The following METTL15 variants were observed in gnomAD, a reference collection of about 807,000 sequenced individuals.
METTL15 encodes methyltransferase 15, mitochondrial 12S rRNA N4-cytidine.
In METTL15, 34 loss-of-function variants were observed where a neutral mutation model predicts 38.3. The ratio of observed to expected loss-of-function variants is 0.89; its 90% CI spans 0.68 to 1.18. The LOEUF (loss-of-function observed/expected upper bound fraction) is 1.18, where lower values mean the gene tolerates loss of function less well. METTL15 is among the 50% of genes most tolerant of loss of function. The pLI is 0.00. For synonymous variants in METTL15, 162 were observed against 170.9 expected (o/e 0.95, Z 0.41); for missense variants, 438 against 498.4 (o/e 0.88, Z 1.15).
chr11:28,360,992 C>A (rs943590572), intron 4 of METTL15, among the ~76,000 whole-genome samples: 8 of 152,222 alleles, frequency 5.3e-5, no homozygotes, highest in African/African-American at 1.9e-4. Context: ...ATGAACTCAT[C>A]ATTTTTTTAT....
At chr11:28,496,654 G>A (rs1388941308) in intron 6 of METTL15, among the ~76,000 whole-genome samples, 2 of 152,160 alleles carry the variant, frequency 1.3e-5, no homozygotes, top group African/African-American at 4.8e-5. Context: ...CTCCTTTCTA[G>A]CTTAATAGTT....
intron 5 of METTL15, among the ~76,000 whole-genome samples, chr11:28,377,437 C>G (rs1850329726): frequency 6.6e-6 from 1 of 152,154 alleles, no homozygotes; most frequent in South Asian, 2.1e-4. Flanking sequence ...ACCCTTTCTT[C>G]CAGTTGATCG....
At chr11:28,224,063 A>T (rs1853368097) in intron 4 of METTL15, among the ~76,000 whole-genome samples, 1 of 152,068 alleles carries the variant, frequency 6.6e-6, no homozygotes, top group Non-Finnish European at 1.5e-5. Flanking sequence ...AACATTTTAT[A>T]AAAGAAGATA....
At chr11:28,236,202 G>T (rs866873111) in intron 4 of METTL15, among the ~76,000 whole-genome samples, 1 of 151,910 alleles carries the variant, frequency 6.6e-6, no homozygotes, top group Non-Finnish European at 1.5e-5. Flanking sequence ...TGCTGTATTC[G>T]GTTTGCCAGT....
At chr11:28,427,684 T>C (rs1850877403) in intron 6 of METTL15, among the ~76,000 whole-genome samples, 1 of 152,192 alleles carries the variant, frequency 6.6e-6, no homozygotes. Context: ...TATTTTATTC[T>C]TTTTGTGGCA....
chr11:28,201,533 CTATTAATTACTGCCTCAATTTCAG>C (rs1814684038), intron 3 of METTL15, among the ~76,000 whole-genome samples: 1 of 151,006 alleles, frequency 6.6e-6, no homozygotes, highest in Admixed American at 6.6e-5. Flanking sequence ...GGTTGGTAGG[CTATTAATTACTGCCTCAATTTCAG>C]AGGCAGTTGG....
chr11:28,189,914 T>G (rs1406152039), intron 3 of METTL15, among the ~76,000 whole-genome samples: 1 of 151,310 alleles, frequency 6.6e-6, no homozygotes, highest in Non-Finnish European at 1.5e-5. Context: ...ACTACAAAAT[T>G]CATTGAAACA....
chr11:28,345,333 C>T (rs1046410666), intron 3 of METTL15, among the ~76,000 whole-genome samples: 2 of 152,058 alleles, frequency 1.3e-5, no homozygotes, highest in Admixed American at 6.6e-5. Flanking sequence ...GGACTACAGG[C>T]GTGCGCCACC....
intron 6 of METTL15, among the ~76,000 whole-genome samples, chr11:28,451,445 C>T (rs1187419369): frequency 2.0e-5 from 3 of 151,822 alleles, no homozygotes; most frequent in Non-Finnish European, 2.9e-5. Context: ...ATTAGCCAGG[C>T]GTGGTGGCGG....
At chr11:28,181,259 A>ATTTTTTTTTTTTTTTTTTTTTTTT in intron 3 of METTL15, among the ~76,000 whole-genome samples, 1 of 133,798 alleles carries the variant, frequency 7.5e-6, no homozygotes, top group Non-Finnish European at 1.6e-5. Context: ...TTAATTTTTA[A>ATTTTTTTTTTTTTTTTTTTTTTTT]TTTTTTTTTT....
At chr11:28,116,963 G>A (rs970436480) in intron 3 of METTL15, among the ~76,000 whole-genome samples, 8 of 152,072 alleles carry the variant, frequency 5.3e-5, no homozygotes, top group Admixed American at 3.3e-4. Context: ...ATGAATTTAC[G>A]TGTATAAAGT....
chr11:28,379,304 C>G (rs1051456883), intron 5 of METTL15, among the ~76,000 whole-genome samples: 1 of 151,964 alleles, frequency 6.6e-6, no homozygotes, highest in African/African-American at 2.4e-5. Flanking sequence ...GAATGATCTA[C>G]TTATTTGAAG....
intron 3 of METTL15, among the ~76,000 whole-genome samples, chr11:28,168,148 C>T (rs1850719971): frequency 1.3e-5 from 2 of 151,784 alleles, no homozygotes; most frequent in South Asian, 4.2e-4. Flanking sequence ...GTATTAAGCC[C>T]TCTTTGTCTT....
intron 6 of METTL15, among the ~76,000 whole-genome samples, chr11:28,510,933 G>A (rs141978863): frequency 3.6e-4 from 55 of 152,302 alleles, no homozygotes; most frequent in African/African-American, 1.3e-3. Context: ...TGGACAGGCT[G>A]GGGTTGGTGC....
At chr11:28,311,295 G>A (rs568432787) in intron 6 of METTL15, among the ~76,000 whole-genome samples, 2 of 152,258 alleles carry the variant, frequency 1.3e-5, no homozygotes, top group East Asian at 3.9e-4. Flanking sequence ...TTTTGGAAAT[G>A]TCATGAACAA....
intron 3 of METTL15, among the ~76,000 whole-genome samples, chr11:28,195,162 T>A (rs1851864437): frequency 6.6e-6 from 1 of 152,116 alleles, no homozygotes; most frequent in African/African-American, 2.4e-5. Flanking sequence ...AATAAACATA[T>A]GCATGTAGGT....
chr11:28,450,038 G>A (rs149557161), intron 6 of METTL15, among the ~76,000 whole-genome samples: 1 of 152,248 alleles, frequency 6.6e-6, no homozygotes, highest in Non-Finnish European at 1.5e-5. Context: ...GCTGTATTTT[G>A]GGCAGTAATC....
At chr11:28,256,194 G>A (rs1397013878) in intron 4 of METTL15, among the ~76,000 whole-genome samples, 1 of 152,100 alleles carries the variant, frequency 6.6e-6, no homozygotes, top group Admixed American at 6.6e-5. Flanking sequence ...TTGGTATCAG[G>A]GTAATACTAG....
chr11:28,135,864 AT>A (rs1014849069), intron 3 of METTL15, among the ~76,000 whole-genome samples: 13 of 152,204 alleles, frequency 8.5e-5, no homozygotes, highest in Non-Finnish European at 1.8e-4. Context: ...GATGAGCAAC[AT>A]TTTAAGCACA....
Sources: allele counts gnomAD v4.1 joint callset (sites outside exome capture counted in the v4.1 genomes callset), GRCh38; gene constraint gnomAD v4.1.1; transcripts MANE v1.5; gene names NCBI Gene and HGNC (gene_info 2026-07-23, HGNC 2026-07-21).